EYS: variants seen among roughly 807,000 people sequenced by gnomAD.
EYS encodes EGF-like photoreceptor maintenance factor, also known as protein eyes shut homolog.
A neutral mutation model predicts 282.1 loss-of-function variants in EYS; 250 were observed. That is an observed-to-expected ratio of 0.89 (90% CI 0.80 to 0.98). The LOEUF (loss-of-function observed/expected upper bound fraction) is 0.98, where lower values mean the gene tolerates loss of function less well. EYS is among the 50% of genes least tolerant of loss of function. The pLI, the probability that EYS is intolerant of heterozygous loss-of-function variation, is 0.00. For missense variants in EYS, 4,016 were observed against 3,709.0 expected, an observed-to-expected ratio of 1.08 and a Z score of -2.15; for synonymous variants, 1,355 against 1,282.9, an observed-to-expected ratio of 1.06 and a Z score of -1.20.
intron 5 of EYS, among the ~76,000 whole-genome samples, chr6:65,480,707 T>C (rs1765575243): frequency 6.6e-6 from 1 of 152,148 alleles, no homozygotes; most frequent in Non-Finnish European, 1.5e-5. Context: ...GGAATCAACC[T>C]AGATGTCCAT....
chr6:63,821,755 G>A (rs569214135), intron 36 of EYS: 1 of 152,394 alleles, frequency 6.6e-6, no homozygotes, highest in East Asian at 1.9e-4. Context: ...AGCTGAAGAT[G>A]CTATGAGATG....
chr6:64,431,714 C>A (rs1189697029), intron 28 of EYS, among the ~76,000 whole-genome samples: 1 of 152,130 alleles, frequency 6.6e-6, no homozygotes, highest in Non-Finnish European at 1.5e-5. Flanking sequence ...ACCTATACAA[C>A]CTGACTACCA....
intron 35 of EYS, among the ~76,000 whole-genome samples, chr6:63,930,850 A>G (rs1053932571): frequency 1.3e-5 from 2 of 152,148 alleles, no homozygotes; most frequent in Non-Finnish European, 2.9e-5. Context: ...CCTAGTCTAT[A>G]ATTTATTGGA....
At chr6:65,164,868 T>G (rs1764935183) in intron 12 of EYS, among the ~76,000 whole-genome samples, 1 of 151,392 alleles carries the variant, frequency 6.6e-6, no homozygotes, top group South Asian at 2.1e-4. Context: ...TCATAATGTG[T>G]TCTGTCTTGT....
At chr6:64,982,190 T>C (rs1770698407) in intron 14 of EYS, among the ~76,000 whole-genome samples, 1 of 151,428 alleles carries the variant, frequency 6.6e-6, no homozygotes, top group East Asian at 1.9e-4. Flanking sequence ...CTCTGCATGG[T>C]ACCTTTTTCA....
At chr6:64,531,677 C>T (rs990582030) in intron 26 of EYS, among the ~76,000 whole-genome samples, 5 of 150,842 alleles carry the variant, frequency 3.3e-5, no homozygotes, top group African/African-American at 4.9e-5. Context: ...GTGATCCACC[C>T]GCCTCAGCCT....
intron 31 of EYS, among the ~76,000 whole-genome samples, chr6:64,217,480 G>A (rs1314009686): frequency 6.6e-6 from 1 of 152,146 alleles, no homozygotes; most frequent in Non-Finnish European, 1.5e-5. Flanking sequence ...AGTGAGCTGA[G>A]ATCAGGCCCC....
chr6:63,831,453 A>T (rs1302095615), intron 36 of EYS, among the ~76,000 whole-genome samples: 2 of 152,212 alleles, frequency 1.3e-5, no homozygotes, highest in South Asian at 2.1e-4. Flanking sequence ...ACCAACAAAG[A>T]TCAAAAGAGA....
chr6:65,515,738 C>A lies in EYS; in HGVS notation c.-332-19745G>T, dbSNP rs1336760275. 3.1e-4 allele frequency among the ~76,000 whole-genome samples: 42 copies of A among 134,722 alleles called. 1 individual carries two copies. Among genetic ancestry groups the A allele is most frequent in the Admixed American group, 2.2e-3 (24 of 11,032 alleles). The allele number at this position is 134,722 out of a possible 152,430, so 88.4% of individuals were successfully genotyped here. On this transcript the variant is annotated intron_variant, in intron 2 of 42. Coordinates refer to ENST00000503581, the MANE Select transcript of EYS (RefSeq NM_001142800.2). Reference sequence around the variant, plus strand: ...TTCTCACTCATAGGTGGGAATTGAACAATGAGAACACACGGACACAGGAAG... The same window carrying A: ...TTCTCACTCATAGGTGGGAATTGAAAAATGAGAACACACGGACACAGGAAG...
Position 63,782,624 on chromosome 6 carries a change from A to G in EYS, c.7724-4444T>C, listed in dbSNP as rs188944716. ...GCCTTCATCATTTTTTATTGCATCT[A>G]TTTGATTCTTCTCTCTTTTCTTCTT... is the stretch of plus-strand genomic sequence containing the variant. On this transcript the variant is annotated intron_variant, in intron 39 of 42. Transcript: ENST00000503581. Among the ~76,000 whole-genome samples, 642 of 152,136 alleles carry G rather than the reference A, an allele frequency of 4.2e-3. 6 individuals are homozygous for G. The highest frequency in any genetic ancestry group is 0.015 in the African/African-American group (616 of 41,496).
chr6:63,744,876 T>A, intron 41 of EYS: 1 of 294,192 alleles, frequency 3.4e-6, no homozygotes, highest in South Asian at 2.8e-5. Context: ...CCAGATGGGC[T>A]TCTTTTAAAA....
chr6:64,283,996 C>T (rs538069485), intron 30 of EYS, among the ~76,000 whole-genome samples: 2 of 152,260 alleles, frequency 1.3e-5, no homozygotes, highest in East Asian at 3.9e-4. Flanking sequence ...GATGAGGACA[C>T]AGAGCCAAAC....
At chr6:64,001,182 C>T (rs918929036) in intron 33 of EYS, among the ~76,000 whole-genome samples, 1 of 152,104 alleles carries the variant, frequency 6.6e-6, no homozygotes, top group African/African-American at 2.4e-5. Flanking sequence ...TGATTATGTA[C>T]AGAAGGGAGA....
At chr6:64,239,637 G>T (rs1305759807) in intron 30 of EYS, among the ~76,000 whole-genome samples, 1 of 148,516 alleles carries the variant, frequency 6.7e-6, no homozygotes, top group Non-Finnish European at 1.5e-5. Context: ...TAAGTTATTT[G>T]TAGATTCTGG....
chr6:64,013,110 A>T (rs1165283866), intron 33 of EYS, among the ~76,000 whole-genome samples: 1 of 152,190 alleles, frequency 6.6e-6, no homozygotes, highest in African/African-American at 2.4e-5. Flanking sequence ...ATGTACTGAT[A>T]TTAAAAAAGG....
chr6:64,952,846 C>A (rs925919942), intron 14 of EYS, among the ~76,000 whole-genome samples: 1 of 151,886 alleles, frequency 6.6e-6, no homozygotes, highest in East Asian at 1.9e-4. Context: ...AGTATAAATT[C>A]CAAGAGGGCA....
intron 1 of EYS, among the ~76,000 whole-genome samples, chr6:65,642,700 T>C (rs992265029): frequency 2.0e-5 from 3 of 152,206 alleles, no homozygotes; most frequent in African/African-American, 7.2e-5. Context: ...TTAGTTCTAG[T>C]TTTCCCTGTG....
chr6:64,053,613 T>G (rs544537622), intron 33 of EYS, among the ~76,000 whole-genome samples: 4 of 152,260 alleles, frequency 2.6e-5, no homozygotes, highest in Admixed American at 2.0e-4. Context: ...TGGGTGGATA[T>G]TAGAAATAAT....
chr6:64,012,584 AGTATGG>A (rs1230907508), intron 33 of EYS, among the ~76,000 whole-genome samples: 4 of 152,236 alleles, frequency 2.6e-5, no homozygotes, highest in African/African-American at 9.6e-5. Flanking sequence ...GACATTAGGC[AGTATGG>A]GTGAAACTGT....
Sources: allele counts gnomAD v4.1 joint callset (sites outside exome capture counted in the v4.1 genomes callset), GRCh38; gene constraint gnomAD v4.1.1; transcripts MANE v1.5; gene names NCBI Gene and HGNC (gene_info 2026-07-23, HGNC 2026-07-21).